DCDC2: variants seen among roughly 807,000 people sequenced by gnomAD.
DCDC2 encodes doublecortin domain-containing protein 2.
In DCDC2, 40 loss-of-function variants were observed where a neutral mutation model predicts 50.2. The ratio of observed to expected loss-of-function variants is 0.80; its 90% CI spans 0.62 to 1.04. The LOEUF is 1.04. Among genes scored for constraint, DCDC2 ranks in the 50% least tolerant of loss-of-function variants. DCDC2 has a pLI of 0.00. For synonymous variants in DCDC2, 234 were observed against 210.6 expected, an observed-to-expected ratio of 1.11 and a Z score of -0.96; for missense variants, 570 against 581.9, an observed-to-expected ratio of 0.98 and a Z score of 0.21.
At chr6:24,375,714 A>G in the DCDC2 span, among the ~76,000 whole-genome samples, 1 of 152,190 alleles carries the variant, frequency 6.6e-6, no homozygotes, top group Non-Finnish European at 1.5e-5. Flanking sequence ...ACAATGTTCA[A>G]GACAGTAGGA....
the DCDC2 span, among the ~76,000 whole-genome samples, chr6:24,376,247 G>A: frequency 2.8e-4 from 42 of 152,082 alleles, no homozygotes; most frequent in African/African-American, 7.5e-4. Context: ...ATTCTATGAC[G>A]CACTGAACAC....
At chr6:24,250,670 AAAT>A (rs1481880069) in intron 7 of DCDC2, among the ~76,000 whole-genome samples, 5 of 152,176 alleles carry the variant, frequency 3.3e-5, no homozygotes, top group African/African-American at 9.7e-5. Flanking sequence ...AGAAGAACAG[AAAT>A]AATACAAATT....
At chr6:24,189,412 T>C (rs930894911) in intron 8 of DCDC2, among the ~76,000 whole-genome samples, 1 of 152,146 alleles carries the variant, frequency 6.6e-6, no homozygotes, top group Non-Finnish European at 1.5e-5. Context: ...ACTTGGAAGG[T>C]ATTTCCACAG....
intron 4 of DCDC2, among the ~76,000 whole-genome samples, chr6:24,292,147 C>G (rs1763766023): frequency 6.6e-6 from 1 of 151,950 alleles, no homozygotes; most frequent in Non-Finnish European, 1.5e-5. Flanking sequence ...CATAATTTTA[C>G]CAGATGATTT....
At position 24,174,193 on chromosome 6, in the gene DCDC2, T is replaced by C. The variant is rs2113734692; in HGVS notation, c.*537A>G. ...TCTGTCTTTGTAGTTCAAAGGTGGA[T>C]TTTGGCTAAGGAGGAAGAAAGAAAG... On this transcript the variant is annotated 3_prime_UTR_variant, in exon 10 of 10. Coordinates refer to ENST00000378454, the MANE Select transcript of DCDC2 (RefSeq NM_016356.5). 6.5e-6 allele frequency: 1 copy of C among 152,864 alleles called. No homozygotes were observed. Among genetic ancestry groups the C allele is most frequent in the East Asian group, 1.9e-4 (1 of 5,186 alleles). The allele number at this position is 152,864 out of a possible 1,614,324, so 9.5% of individuals were successfully genotyped here.
At chr6:24,205,378 T>G in intron 7 of DCDC2, 1 of 1,449,748 alleles carries the variant, frequency 6.9e-7, no homozygotes, top group Non-Finnish European at 9.1e-7. Flanking sequence ...TTTACTAACA[T>G]AGCCCTTTGT....
intron 2 of DCDC2, among the ~76,000 whole-genome samples, chr6:24,344,212 A>G (rs933432264): frequency 6.6e-6 from 1 of 152,134 alleles, no homozygotes; most frequent in Non-Finnish European, 1.5e-5. Context: ...ATTGCTACTC[A>G]GCCATAAAAA....
chr6:24,192,406 T>TCCTTAATA (rs1761335038), intron 8 of DCDC2, among the ~76,000 whole-genome samples: 1 of 151,906 alleles, frequency 6.6e-6, no homozygotes, highest in South Asian at 2.1e-4. Context: ...ACACAGTGTG[T>TCCTTAATA]CCTTAATACC....
chr6:24,362,195 T>G (rs1290800963), upstream of DCDC2, among the ~76,000 whole-genome samples: 1 of 151,358 alleles, frequency 6.6e-6, no homozygotes, highest in African/African-American at 2.4e-5. Flanking sequence ...ATTGTATATT[T>G]ATACAATTAT....
intron 7 of DCDC2, among the ~76,000 whole-genome samples, chr6:24,237,740 T>C (rs1317074278): frequency 1.3e-5 from 2 of 152,030 alleles, no homozygotes; most frequent in Non-Finnish European, 2.9e-5. Context: ...AATGCAGCCA[T>C]AAAAAAGAAT....
rs749432221 is a variant in DCDC2 at position 24,173,930 on chromosome 6, G to C, written c.*800C>G. The C allele has an allele frequency of 6.6e-6, 1 of 152,204 alleles. No homozygotes were observed. Among genetic ancestry groups the C allele is most frequent in the African/African-American group, 2.4e-5 (1 of 41,440 alleles). The allele number at this position is 152,204 out of a possible 1,614,324, so 9.4% of individuals were successfully genotyped here. On this transcript the variant is annotated 3_prime_UTR_variant, in exon 10 of 10. Coordinates refer to ENST00000378454, the MANE Select transcript of DCDC2 (RefSeq NM_016356.5). ...TTCTCTAATAACATAAGGGAGAAGA[G>C]AGAGATACTATTGGTAAAGATAGAC...
chr6:24,174,994 C>T (rs556557105), intron 9 of DCDC2, among the ~76,000 whole-genome samples, 160 bp from the exon 10 acceptor site: 1 of 152,140 alleles, frequency 6.6e-6, no homozygotes, highest in East Asian at 1.9e-4. Flanking sequence ...TATCATTACC[C>T]AGTGGACATA....
chr6:24,277,034 C>T (rs909134114), intron 7 of DCDC2, among the ~76,000 whole-genome samples: 3 of 152,176 alleles, frequency 2.0e-5, no homozygotes, highest in African/African-American at 4.8e-5. Context: ...CCTAGCCTCA[C>T]GTGTCTTTGT....
the DCDC2 span, among the ~76,000 whole-genome samples, chr6:24,382,940 A>T: frequency 2.0e-5 from 3 of 152,188 alleles, no homozygotes; most frequent in Admixed American, 6.5e-5. Context: ...GAGGTCAAAC[A>T]GTACTATCTC....
Position 24,230,524 on chromosome 6 carries a change from G to C in DCDC2, c.923-25422C>G, listed in dbSNP as rs117675577. The stretch of plus-strand genomic sequence containing the variant: ...CTGAGTGTGGTGGCGCACACCTCTG[G>C]TCCCAGCTACTTGATAGGCTGAGGT... On this transcript the variant is annotated intron_variant, in intron 7 of 9. Coordinates refer to ENST00000378454, the MANE Select transcript of DCDC2 (RefSeq NM_016356.5). Among the ~76,000 whole-genome samples the C allele has an allele frequency of 1.6e-4, 24 of 152,110 alleles. No homozygotes were observed. In the East Asian group the frequency reaches 4.6e-3, roughly 29 times the overall value.
At chr6:24,280,368 G>GTTTTTTTTTTTTTTTTTTTT (rs1250931728) in intron 6 of DCDC2, among the ~76,000 whole-genome samples, 1 of 140,684 alleles carries the variant, frequency 7.1e-6, no homozygotes. Context: ...GCAACCAGGG[G>GTTTTTTTTTTTTTTTTTTTT]TTTTTTTTTT....
rs1158742935 is a variant in DCDC2 at position 24,178,348 on chromosome 6, A to C, written c.1308T>G (p.Ala436=). Residue 436 remains alanine, a synonymous_variant, in exon 9 of 10, where the codon GCT becomes GCG. Transcript: ENST00000378454. ...GAAATACCTCATCTTGTCCACTGCC[A>C]GCTCCTTGAGACTTTCTTTCCTTGT... ...VLDKERKSQG[A]GSGQDEADVD... 3.1e-6 allele frequency: 5 copies of C among 1,613,690 alleles called. No homozygotes were observed. The highest frequency in any genetic ancestry group is 4.2e-6 in the Non-Finnish European group (5 of 1,179,684).
the DCDC2 span, chr6:24,365,618 A>G: frequency 1.3e-5 from 2 of 152,238 alleles, no homozygotes; most frequent in South Asian, 2.1e-4. Flanking sequence ...ATACATTGCC[A>G]TGTAACTAAC....
chr6:24,267,229 C>T (rs530487016), intron 7 of DCDC2, among the ~76,000 whole-genome samples: 2 of 152,152 alleles, frequency 1.3e-5, no homozygotes, highest in Non-Finnish European at 2.9e-5. Flanking sequence ...TGAATAAGAG[C>T]TTTTGTTTGT....
Sources: allele counts gnomAD v4.1 joint callset (sites outside exome capture counted in the v4.1 genomes callset), GRCh38; gene constraint gnomAD v4.1.1; transcripts MANE v1.5; gene names NCBI Gene and HGNC (gene_info 2026-07-23, HGNC 2026-07-21).